C8orf34: variants seen among roughly 807,000 people sequenced by gnomAD.
C8orf34 encodes uncharacterized protein C8orf34.
In C8orf34, 65 loss-of-function variants were observed where a neutral mutation model predicts 68.3. The observed-to-expected ratio is 0.95, with a 90% CI of 0.78 to 1.17. The LOEUF (loss-of-function observed/expected upper bound fraction) is 1.17, where lower values mean the gene tolerates loss of function less well. C8orf34 is among the 50% of genes most tolerant of loss of function. The pLI is 0.00. For missense variants in C8orf34, 664 were observed against 655.4 expected (o/e 1.01, Z -0.14); for synonymous variants, 244 against 241.2 (o/e 1.01, Z -0.11).
chr8:68,429,361 A>G (rs1810359660), intron 1 of C8orf34, among the ~76,000 whole-genome samples: 1 of 152,228 alleles, frequency 6.6e-6, no homozygotes, highest in Non-Finnish European at 1.5e-5. Flanking sequence ...ATTCTTTTAT[A>G]CCACCAGAAT....
intron 1 of C8orf34, among the ~76,000 whole-genome samples, chr8:68,414,121 C>T (rs927016399): frequency 2.0e-5 from 3 of 152,124 alleles, no homozygotes; most frequent in Non-Finnish European, 4.4e-5. Context: ...TAAATATCAC[C>T]CCCTCAGAGA....
intron 1 of C8orf34, among the ~76,000 whole-genome samples, chr8:68,421,420 G>A (rs1254865908): frequency 2.0e-5 from 3 of 152,124 alleles, no homozygotes; most frequent in African/African-American, 7.2e-5. Flanking sequence ...TGAAACAAGA[G>A]CAAAAGCTTG....
chr8:68,800,340 TG>T (rs1423967765), intron 12 of C8orf34, among the ~76,000 whole-genome samples: 2 of 152,192 alleles, frequency 1.3e-5, no homozygotes, highest in Non-Finnish European at 2.9e-5. Flanking sequence ...ACACATTTTT[TG>T]TACAAAAGAC....
At chr8:68,709,114 CT>C (rs1821259780) in intron 9 of C8orf34, 35 bp downstream of exon 9, 1 of 1,465,392 alleles carries the variant, frequency 6.8e-7, no homozygotes, top group East Asian at 2.3e-5. Context: ...TATTGCAGTT[CT>C]AGTGGCACTT....
In C8orf34 at chr8:68,785,639, C is replaced by A. The variant is rs1047854028; in HGVS notation, c.1456-1804C>A. On this transcript the variant is annotated intron_variant, in intron 11 of 13. Transcript: ENST00000518698. Reference sequence around the variant, plus strand: ...CATCTGTAACACATTTATGTTCTTTCTTTTTTGATATATTGCCATTCATTC... The same window carrying A: ...CATCTGTAACACATTTATGTTCTTTATTTTTTGATATATTGCCATTCATTC... 2.0e-5 allele frequency among the ~76,000 whole-genome samples: 3 copies of A among 152,266 alleles called. No individual in the cohort carries two copies. In the South Asian group the frequency reaches 6.2e-4, roughly 32 times the overall value.
At chr8:68,483,581 A>G (rs1281197796) in intron 4 of C8orf34, among the ~76,000 whole-genome samples, 1 of 152,204 alleles carries the variant, frequency 6.6e-6, no homozygotes, top group Non-Finnish European at 1.5e-5. Flanking sequence ...CTGCTCTTAA[A>G]CAAGGAATAA....
chr8:68,356,886 G>C (rs1293759561), intron 1 of C8orf34, among the ~76,000 whole-genome samples: 3 of 152,074 alleles, frequency 2.0e-5, no homozygotes, highest in African/African-American at 7.2e-5. Flanking sequence ...AACGCCTGCT[G>C]TTCCTTCACT....
At chr8:68,410,652 C>CTATA in intron 1 of C8orf34, among the ~76,000 whole-genome samples, 1 of 152,104 alleles carries the variant, frequency 6.6e-6, no homozygotes, top group Non-Finnish European at 1.5e-5. Flanking sequence ...GAGCGCTTTA[C>CTATA]TATAGTTCAG....
chr8:68,442,590 C>T lies in C8orf34; in HGVS notation c.475+2944C>T, dbSNP rs1385059005. 2.0e-5 allele frequency among the ~76,000 whole-genome samples: 3 copies of T among 152,046 alleles called. No individual in the cohort carries two copies. In the East Asian group the frequency reaches 5.8e-4, roughly 29 times the overall value. Reference sequence around the variant, plus strand: ...TTCAGACAGAGAAAGCCAATCAAAACTTTCAGGAGATCAATATAGTGAAAA... The same window carrying T: ...TTCAGACAGAGAAAGCCAATCAAAATTTTCAGGAGATCAATATAGTGAAAA... On this transcript the variant is annotated intron_variant, in intron 2 of 13. Transcript: ENST00000518698.
At chr8:68,452,756 T>G (rs921975930) in intron 3 of C8orf34, among the ~76,000 whole-genome samples, 2 of 151,482 alleles carry the variant, frequency 1.3e-5, no homozygotes, top group East Asian at 3.9e-4. Flanking sequence ...GTACATCAGT[T>G]TTTAATTTTG....
intron 7 of C8orf34, among the ~76,000 whole-genome samples, chr8:68,541,182 T>C (rs1266662767): frequency 6.6e-6 from 1 of 152,060 alleles, no homozygotes; most frequent in African/African-American, 2.4e-5. Flanking sequence ...TAGAGCTAGT[T>C]CCAGGCATGC....
chr8:68,346,528 T>C (rs1275343072), intron 1 of C8orf34, among the ~76,000 whole-genome samples: 1 of 152,124 alleles, frequency 6.6e-6, no homozygotes, highest in Non-Finnish European at 1.5e-5. Flanking sequence ...TATACAATGA[T>C]GTATATTCAC....
rs188990396 is a variant in C8orf34 at position 68,485,479 on chromosome 8, C to T, written c.737-2544C>T. On this transcript the variant is annotated intron_variant, in intron 4 of 13. Transcript: ENST00000518698. ...CTATAATCCCAGCACTTTGGGAGGC[C>T]CAGGCAGGCGGATCACGAGGTCAGG... is the stretch of plus-strand genomic sequence containing the variant. Among the ~76,000 whole-genome samples, 295 of 151,912 alleles carry T rather than the reference C, an allele frequency of 1.9e-3. 3 individuals are homozygous for T. Among genetic ancestry groups the T allele is most frequent in the Admixed American group, 0.019 (286 of 15,242 alleles).
chr8:68,426,909 C>A (rs1056946952), intron 1 of C8orf34, among the ~76,000 whole-genome samples: 5 of 145,284 alleles, frequency 3.4e-5, no homozygotes, highest in African/African-American at 1.3e-4. Context: ...CAAACAAAAT[C>A]CTATTAGAAA....
At chr8:68,684,414 G>A (rs1820453605) in intron 8 of C8orf34, among the ~76,000 whole-genome samples, 1 of 152,140 alleles carries the variant, frequency 6.6e-6, no homozygotes, top group African/African-American at 2.4e-5. Flanking sequence ...TGGACATTGG[G>A]ATCACAACAA....
chr8:68,353,660 T>A (rs933785150), intron 1 of C8orf34, among the ~76,000 whole-genome samples: 1 of 146,896 alleles, frequency 6.8e-6, no homozygotes, highest in African/African-American at 2.5e-5. Context: ...TATATATAGT[T>A]GATCCATATT....
chr8:68,340,945 A>G (rs1330733110), intron 1 of C8orf34, among the ~76,000 whole-genome samples: 1 of 152,190 alleles, frequency 6.6e-6, no homozygotes, highest in Admixed American at 6.5e-5. Context: ...AACAACAAAC[A>G]AACTTATGCA....
intron 1 of C8orf34, among the ~76,000 whole-genome samples, chr8:68,331,812 T>TTTTA (rs900067417): frequency 5.2e-5 from 6 of 116,436 alleles, no homozygotes; most frequent in Non-Finnish European, 3.5e-5. Flanking sequence ...TTTTTTTTTT[T>TTTTA]AATGAGGGCG....
At chr8:68,597,575 G>GGTGTGTGT (rs36094218) in intron 7 of C8orf34, among the ~76,000 whole-genome samples, 5 of 150,170 alleles carry the variant, frequency 3.3e-5, no homozygotes, top group South Asian at 2.1e-4. Context: ...ACATTGTGGT[G>GGTGTGTGT]GTGTGTGTGT....
Sources: allele counts gnomAD v4.1 joint callset (sites outside exome capture counted in the v4.1 genomes callset), GRCh38; gene constraint gnomAD v4.1.1; transcripts MANE v1.5; gene names NCBI Gene and HGNC (gene_info 2026-07-23, HGNC 2026-07-21).